Variants in KCNIP1 observed in about 807,000 individuals in gnomAD.
KCNIP1 encodes potassium voltage-gated channel interacting protein 1, also known as A-type potassium channel modulatory protein KCNIP1.
In KCNIP1, 18 loss-of-function variants were observed where a neutral mutation model predicts 33.0. The ratio of observed to expected loss-of-function variants is 0.55; its 90% CI spans 0.38 to 0.81. The LOEUF (loss-of-function observed/expected upper bound fraction) is 0.81, where lower values mean the gene tolerates loss of function less well. Among genes scored for constraint, KCNIP1 ranks in the 30% least tolerant of loss-of-function variants. The pLI is 0.00. For missense variants in KCNIP1, 238 were observed against 271.6 expected (o/e 0.88, Z 0.87); for synonymous variants, 93 against 98.3 (o/e 0.95, Z 0.32).
intron 1 of KCNIP1, among the ~76,000 whole-genome samples, chr5:170,441,827 C>T (rs566833937): frequency 6.6e-6 from 1 of 152,010 alleles, no homozygotes; most frequent in South Asian, 2.1e-4. Flanking sequence ...TGGCGGGCAC[C>T]TGTAGTCCTA....
chr5:170,716,139 T>C (rs1441684116), intron 1 of KCNIP1, among the ~76,000 whole-genome samples: 1 of 152,208 alleles, frequency 6.6e-6, no homozygotes, highest in Non-Finnish European at 1.5e-5. Flanking sequence ...TGGGCACTCC[T>C]GTGAGGTTGC....
chr5:170,476,151 T>G (rs1470430508), intron 1 of KCNIP1, among the ~76,000 whole-genome samples: 2 of 152,052 alleles, frequency 1.3e-5, no homozygotes, highest in Non-Finnish European at 2.9e-5. Flanking sequence ...TTGTATTTTT[T>G]GTAGAGACAG....
intron 1 of KCNIP1, among the ~76,000 whole-genome samples, chr5:170,515,592 A>C (rs1346300501): frequency 2.6e-5 from 4 of 152,244 alleles, no homozygotes; most frequent in Non-Finnish European, 5.9e-5. Context: ...TAAGCCTTAC[A>C]GTATCCCCAG....
chr5:170,424,797 T>C (rs75449489), intron 1 of KCNIP1, among the ~76,000 whole-genome samples: 10,242 of 152,270 alleles, frequency 0.067, 480 homozygotes, highest in Middle Eastern at 0.14. Context: ...ATCCCACCAC[T>C]CTTAGAATAA....
In KCNIP1 at chr5:170,702,084, C is replaced by T. The variant is rs576472075; in HGVS notation, c.62-16674C>T. Among the ~76,000 whole-genome samples, 26 of 152,316 alleles carry T rather than the reference C, an allele frequency of 1.7e-4. No individual in the cohort carries two copies. In the South Asian group the frequency reaches 5.2e-3, roughly 30 times the overall value. On this transcript the variant is annotated intron_variant, in intron 1 of 7. Coordinates refer to ENST00000328939, the MANE Select transcript of KCNIP1 (RefSeq NM_014592.4). Reference sequence around the variant, plus strand: ...TAAAAATTAAAAATAAAAACAGTGCCTCCCATGACCCATGTCTCTCCAGTC... The same window carrying T: ...TAAAAATTAAAAATAAAAACAGTGCTTCCCATGACCCATGTCTCTCCAGTC...
In KCNIP1 at chr5:170,652,530, A is replaced by G. The variant is rs56220508; in HGVS notation, c.62-66228A>G. Among the ~76,000 whole-genome samples, 534 of 77,496 alleles carry G rather than the reference A, an allele frequency of 6.9e-3. 8 individuals are homozygous for G. The highest frequency in any genetic ancestry group is 0.012 in the South Asian group (27 of 2,186). The allele number at this position is 77,496 out of a possible 152,430, so 50.8% of individuals were successfully genotyped here. ...GGAAGGAAGGAAGGAGAAAAGAAAAAAGAAAAGAAAAGAAAAGAAAAGAAA... is the reference window on the plus strand; with the variant it reads ...GGAAGGAAGGAAGGAGAAAAGAAAAGAGAAAAGAAAAGAAAAGAAAAGAAA... On this transcript the variant is annotated intron_variant, in intron 1 of 7. Coordinates refer to ENST00000328939, the MANE Select transcript of KCNIP1 (RefSeq NM_014592.4).
chr5:170,561,516 G>A (rs1029941953), intron 1 of KCNIP1, among the ~76,000 whole-genome samples: 5 of 152,222 alleles, frequency 3.3e-5, no homozygotes, highest in African/African-American at 4.8e-5. Flanking sequence ...TAGAGGTAGC[G>A]TTGGCTTCCT....
At chr5:170,534,100 C>T (rs78068249) in intron 1 of KCNIP1, among the ~76,000 whole-genome samples, 5,984 of 152,280 alleles carry the variant, frequency 0.039, 144 homozygotes, top group Non-Finnish European at 0.05. Flanking sequence ...GATTCACAAA[C>T]GGTATAGCAC....
chr5:170,669,374 T>C (rs1324447692), intron 1 of KCNIP1: 1 of 213,078 alleles, frequency 4.7e-6, no homozygotes, highest in Non-Finnish European at 8.1e-6. Context: ...AATGAGATAA[T>C]GTATACACTA....
At chr5:170,552,182 G>T (rs539719359) in intron 1 of KCNIP1, among the ~76,000 whole-genome samples, 2 of 152,168 alleles carry the variant, frequency 1.3e-5, no homozygotes, top group African/African-American at 2.4e-5. Context: ...ACTGGGCCCT[G>T]GGAGGACCAG....
At chr5:170,415,618 C>T (rs1448182333) in intron 1 of KCNIP1, among the ~76,000 whole-genome samples, 1 of 152,288 alleles carries the variant, frequency 6.6e-6, no homozygotes, top group Admixed American at 6.5e-5. Context: ...ACACCAGTGT[C>T]AGGCCCACCG....
At chr5:170,612,893 C>T (rs535289698) in intron 1 of KCNIP1, among the ~76,000 whole-genome samples, 6 of 152,276 alleles carry the variant, frequency 3.9e-5, no homozygotes, top group African/African-American at 1.4e-4. Flanking sequence ...CTATAGGGCC[C>T]GCTGGTTCCT....
chr5:170,378,565 G>T, intron 1 of KCNIP1: 1 of 921,330 alleles, frequency 1.1e-6, no homozygotes, highest in Non-Finnish European at 1.7e-6. Flanking sequence ...GGTTAGTCCT[G>T]CAACAGAAGA....
intron 1 of KCNIP1, among the ~76,000 whole-genome samples, chr5:170,392,582 C>T (rs908764030): frequency 2.0e-5 from 3 of 152,110 alleles, no homozygotes; most frequent in Admixed American, 2.0e-4. Context: ...TAGCACTTTT[C>T]GAGACCAAGG....
intron 1 of KCNIP1, among the ~76,000 whole-genome samples, chr5:170,625,566 C>CTTGGAAAT (rs1759790065): frequency 6.6e-6 from 1 of 152,210 alleles, no homozygotes; most frequent in Non-Finnish European, 1.5e-5. Context: ...CACCAATTTC[C>CTTGGAAAT]TTGGAAATTT....
In KCNIP1 at chr5:170,504,602, T is replaced by C; in HGVS notation, c.30T>C (p.Ser10=). MGAVMGTFS[S]LQTKQRRPSK... is the part of the protein sequence containing the mutation. The stretch of plus-strand genomic sequence containing the variant: ...GGGCCGTCATGGGCACCTTCTCATC[T>C]CTGCAAACCAAACAAAGGCGACCCT... Residue 10 remains serine, a synonymous_variant, in exon 1 of 8, where the codon TCT becomes TCC. Transcript: ENST00000328939. The surrounding 1 kb of genome is among the most constrained non-coding windows in gnomAD (Gnocchi z 6.0). 3 of 1,613,862 alleles carry C rather than the reference T, an allele frequency of 1.9e-6. No homozygotes were observed. The highest frequency in any genetic ancestry group is 2.5e-6 in the Non-Finnish European group (3 of 1,180,000).
At chr5:170,458,282 T>C (rs1164240734) in intron 1 of KCNIP1, among the ~76,000 whole-genome samples, 2 of 152,180 alleles carry the variant, frequency 1.3e-5, no homozygotes, top group Admixed American at 1.3e-4. Flanking sequence ...TTCGGGGGAA[T>C]AATCAAGGAA....
chr5:170,620,597 G>C (rs1271381779), intron 1 of KCNIP1, among the ~76,000 whole-genome samples: 2 of 152,166 alleles, frequency 1.3e-5, no homozygotes, highest in East Asian at 3.8e-4. Flanking sequence ...ATGCCTGCCT[G>C]ATCTATGGAC....
At chr5:170,677,807 T>C (rs1762201272) in intron 1 of KCNIP1, among the ~76,000 whole-genome samples, 1 of 151,936 alleles carries the variant, frequency 6.6e-6, no homozygotes, top group Non-Finnish European at 1.5e-5. Flanking sequence ...TTTGTTTCTT[T>C]AAGGCAAATG....
Sources: gnomAD v4.1 joint callset for allele counts (sites outside exome capture counted in the v4.1 genomes callset) on GRCh38, gnomAD v4.1.1 for gene constraint, Gnocchi (gnomAD v3.1) non-coding constraint, MANE v1.5 for transcripts, NCBI Gene and HGNC (gene_info 2026-07-23, HGNC 2026-07-21) for gene names.